The following CUX1 variants were observed in gnomAD, a reference collection of about 807,000 sequenced individuals.
CUX1 encodes the protein cut like homeobox 1.
CUX1 carries 31 observed loss-of-function variants against 158.8 expected under a neutral mutation model. That is an observed-to-expected ratio of 0.20 (90% CI 0.15 to 0.26). CUX1 has a LOEUF of 0.26. Among genes scored for constraint, CUX1 ranks in the 10% least tolerant of loss-of-function variants. The pLI is 1.00. For missense variants in CUX1, 1,589 were observed against 2,014.6 expected, an observed-to-expected ratio of 0.79 and a Z score of 4.04; for synonymous variants, 879 against 862.1, an observed-to-expected ratio of 1.02 and a Z score of -0.34.
chr7:101,928,216 C>T (rs781024070), intron 2 of CUX1, among the ~76,000 whole-genome samples: 20 of 152,090 alleles, frequency 1.3e-4, no homozygotes, highest in Non-Finnish European at 2.5e-4. Flanking sequence ...GGAATGATAA[C>T]GACCTCGGAG....
upstream of CUX1, chr7:101,817,458 C>T (rs974127532): frequency 8.6e-5 from 91 of 1,058,002 alleles, 1 homozygote; most frequent in Middle Eastern, 4.3e-4. The surrounding 1 kb of genome is among the most constrained non-coding windows in gnomAD (Gnocchi z 4.1). Context: ...GCGGAGTCCC[C>T]GGCGCCGCGG....
At chr7:102,270,606 C>T (rs980199413) in intron 14 of CUX1, among the ~76,000 whole-genome samples, 1 of 152,222 alleles carries the variant, frequency 6.6e-6, no homozygotes, top group Non-Finnish European at 1.5e-5. Flanking sequence ...GCTGCCCGTG[C>T]AACTGGCCTG....
At chr7:101,932,742 C>A in intron 2 of CUX1, 4 of 375,172 alleles carry the variant, frequency 1.1e-5, no homozygotes, top group South Asian at 1.9e-5. Context: ...TGCTTTGCCG[C>A]CATCAAGAAA....
chr7:101,857,138 T>G (rs960782991), intron 1 of CUX1, among the ~76,000 whole-genome samples: 5 of 152,180 alleles, frequency 3.3e-5, no homozygotes, highest in Non-Finnish European at 7.3e-5. Flanking sequence ...GTTCCTGCCC[T>G]TACCCCGCCC....
chr7:102,097,633 C>T, intron 5 of CUX1, 132 bp downstream of exon 5: 1 of 949,256 alleles, frequency 1.1e-6, no homozygotes, highest in Non-Finnish European at 1.5e-6. Flanking sequence ...CAGGGTGGGG[C>T]AGGAATCTGA....
chr7:102,177,427 A>AG (rs1158294488), intron 10 of CUX1, among the ~76,000 whole-genome samples: 1 of 148,670 alleles, frequency 6.7e-6, no homozygotes, highest in Non-Finnish European at 1.5e-5. Flanking sequence ...AAAAAAAAAA[A>AG]AAGAAAAGAA....
chr7:101,966,787 G>A (rs404284), intron 2 of CUX1, among the ~76,000 whole-genome samples: 83,386 of 151,792 alleles, frequency 0.55, 24,853 homozygotes, highest in Middle Eastern at 0.69. Context: ...CAAAATACAC[G>A]TGGGACTTCC....
At chr7:102,085,503 A>C (rs142821284) in intron 4 of CUX1, among the ~76,000 whole-genome samples, 5,389 of 152,200 alleles carry the variant, frequency 0.035, 315 homozygotes, top group African/African-American at 0.12. Context: ...TGGTTTTATA[A>C]GGAGCTTTTC....
intron 5 of CUX1, among the ~76,000 whole-genome samples, chr7:102,099,529 ACT>A (rs1829568813): frequency 4.2e-5 from 6 of 143,506 alleles, no homozygotes; most frequent in Non-Finnish European, 7.5e-5. Context: ...TGATAGATCC[ACT>A]CTCTGGTTTG....
chr7:102,160,602 A>G (rs1305734092), intron 9 of CUX1, among the ~76,000 whole-genome samples: 1 of 152,128 alleles, frequency 6.6e-6, no homozygotes, highest in Non-Finnish European at 1.5e-5. Context: ...CGGGTCTCTT[A>G]ATCTCTTAAA....
intron 3 of CUX1, among the ~76,000 whole-genome samples, chr7:102,050,129 A>G (rs1212311260): frequency 2.6e-5 from 4 of 152,170 alleles, no homozygotes. Flanking sequence ...AGAAAACCAA[A>G]CTGACAAATC....
chr7:101,853,453 T>C (rs1161316085), intron 1 of CUX1, among the ~76,000 whole-genome samples: 1 of 152,218 alleles, frequency 6.6e-6, no homozygotes, highest in African/African-American at 2.4e-5. Context: ...CCCAAATTTC[T>C]TTAGCCTTTG....
chr7:102,127,742 T>C (rs1171950292), intron 8 of CUX1, among the ~76,000 whole-genome samples: 2 of 152,238 alleles, frequency 1.3e-5, no homozygotes, highest in African/African-American at 4.8e-5. Flanking sequence ...ACTGCTTTCA[T>C]TGCCCTTTGG....
intron 4 of CUX1, among the ~76,000 whole-genome samples, chr7:102,091,524 G>A (rs144045616): frequency 6.6e-6 from 1 of 151,704 alleles, no homozygotes; most frequent in African/African-American, 2.4e-5. Context: ...TTGCTGAGAC[G>A]AGGTCTTGCT....
At position 102,251,322 on chromosome 7, in the gene CUX1, T is replaced by C. The variant is rs1363963660; in HGVS notation, c.*2280T>C. 1.0e-6 allele frequency: 1 copy of C among 985,296 alleles called. No individual in the cohort carries two copies. The highest frequency in any genetic ancestry group is 1.2e-6 in the Non-Finnish European group (1 of 829,930). 61.0% of individuals were successfully genotyped at this position (985,296 alleles called of 1,614,324 possible). On this transcript the variant is annotated 3_prime_UTR_variant, in exon 24 of 24. Transcript: ENST00000292535. ...CTCCGTGTGCTTGTTAATTAACTTG[T>C]AGGACTTTGACTGTAAGATGTGAAA... is the stretch of plus-strand genomic sequence containing the variant.
At chr7:101,923,622 G>C (rs1805234878) in intron 2 of CUX1, among the ~76,000 whole-genome samples, 1 of 152,196 alleles carries the variant, frequency 6.6e-6, no homozygotes, top group Non-Finnish European at 1.5e-5. Context: ...ATGTATTTTT[G>C]CCTCTACATT....
intron 2 of CUX1, among the ~76,000 whole-genome samples, chr7:101,980,152 A>G (rs956584145): frequency 6.6e-6 from 1 of 152,144 alleles, no homozygotes; most frequent in Admixed American, 6.5e-5. Flanking sequence ...GTTGTGATGA[A>G]TATTATTCTC....
chr7:101,904,232 C>T (rs866792233), intron 1 of CUX1, among the ~76,000 whole-genome samples: 4 of 152,118 alleles, frequency 2.6e-5, no homozygotes, highest in African/African-American at 4.8e-5. Context: ...CCCAGGAGTT[C>T]GAGGCTGCAG....
At chr7:101,997,426 C>T (rs1816086670) in intron 2 of CUX1, among the ~76,000 whole-genome samples, 1 of 152,208 alleles carries the variant, frequency 6.6e-6, no homozygotes, top group Non-Finnish European at 1.5e-5. Flanking sequence ...TCACTGCAAC[C>T]TCCGCCTCTT....
Sources: allele counts gnomAD v4.1 joint callset (sites outside exome capture counted in the v4.1 genomes callset), GRCh38; gene constraint gnomAD v4.1.1; non-coding constraint Gnocchi (gnomAD v3.1); transcripts MANE v1.5; gene names NCBI Gene and HGNC (gene_info 2026-07-23, HGNC 2026-07-21).